The following STX7 variants were observed in gnomAD, a reference collection of about 807,000 sequenced individuals.
STX7 encodes the protein syntaxin 7, also known as syntaxin-7.
In STX7, 34 loss-of-function variants were observed where a neutral mutation model predicts 39.6. The observed-to-expected ratio is 0.86, with a 90% CI of 0.65 to 1.14. STX7 has a LOEUF of 1.14. Ranked by LOEUF, STX7 falls within the 50% of genes most tolerant of loss-of-function variation. STX7 has a pLI of 0.00. For missense variants in STX7, 284 were observed against 310.4 expected, an observed-to-expected ratio of 0.92 and a Z score of 0.64; for synonymous variants, 119 against 99.1, an observed-to-expected ratio of 1.20 and a Z score of -1.19.
chr6:132,505,739 TAAAAAAAAA>T (rs368964430), intron 1 of STX7, among the ~76,000 whole-genome samples: 2 of 60,416 alleles, frequency 3.3e-5, no homozygotes, highest in Non-Finnish European at 6.1e-5. Context: ...CCAAGTCACT[TAAAAAAAAA>T]AAAAAAAAAA....
chr6:132,511,859 G>A lies in STX7; in HGVS notation c.-59+1148C>T, dbSNP rs575828082. On this transcript the variant is annotated intron_variant, in intron 1 of 9. Transcript: ENST00000367941. ...TTTCAATCATCAGCACTTAAAGTTT[G>A]GGGTCATAACCAAAATAAGGATTGA... is the stretch of plus-strand genomic sequence containing the variant. 1.9e-4 allele frequency among the ~76,000 whole-genome samples: 29 copies of A among 152,192 alleles called. No homozygotes were observed. The South Asian group carries it at 5.6e-3, about 29-fold the overall frequency.
chr6:132,502,497 T>C (rs1397286822), intron 2 of STX7, among the ~76,000 whole-genome samples: 1 of 152,150 alleles, frequency 6.6e-6, no homozygotes, highest in Non-Finnish European at 1.5e-5. Context: ...ACCTATCCAC[T>C]CAAATCTGCT....
rs993554885 is a variant in STX7 at position 132,454,481 on chromosome 6, T to C, written c.*6277A>G. The C allele has an allele frequency of 2.0e-5, 3 of 152,194 alleles. No homozygotes were observed. Among genetic ancestry groups the C allele is most frequent in the African/African-American group, 4.8e-5 (2 of 41,466 alleles). 9.4% of individuals were successfully genotyped at this position (152,194 alleles called of 1,614,324 possible). A position where few individuals can be genotyped will look rare whatever the true frequency, so the allele number is the denominator to read the frequency against. ...GAAAGGTACACGAAAGAGGTCTCTGTATTATTTCTTACAACAGCATGTGAA... is the reference window on the plus strand; with the variant it reads ...GAAAGGTACACGAAAGAGGTCTCTGCATTATTTCTTACAACAGCATGTGAA... On this transcript the variant is annotated 3_prime_UTR_variant, in exon 10 of 10. Transcript: ENST00000367941.
At position 132,458,253 on chromosome 6, in the gene STX7, G is replaced by A. The variant is rs924160416; in HGVS notation, c.*2505C>T. 1 of 152,066 alleles carries A rather than the reference G, an allele frequency of 6.6e-6. No homozygotes were observed. 9.4% of individuals were successfully genotyped at this position (152,066 alleles called of 1,614,324 possible). On this transcript the variant is annotated 3_prime_UTR_variant, in exon 10 of 10. Transcript: ENST00000367941. Reference sequence around the variant, plus strand: ...ACTGGGGCAGCCAGCGGGCTCAGAGGGTCCAACTCCAGACACTGCATCCAT... The same window carrying A: ...ACTGGGGCAGCCAGCGGGCTCAGAGAGTCCAACTCCAGACACTGCATCCAT...
At chr6:132,473,212 T>C (rs527745428) in intron 3 of STX7, among the ~76,000 whole-genome samples, 64 of 151,840 alleles carry the variant, frequency 4.2e-4, no homozygotes, top group Non-Finnish European at 7.7e-4. Flanking sequence ...TTTACTATTA[T>C]TTAAGTTTAC....
At chr6:132,507,757 T>C (rs74735512) in intron 1 of STX7, among the ~76,000 whole-genome samples, 1 of 152,194 alleles carries the variant, frequency 6.6e-6, no homozygotes, top group Non-Finnish European at 1.5e-5. Flanking sequence ...TTTCCCTCTA[T>C]CAAGTAGATC....
chr6:132,490,669 C>T (rs1035773490), intron 2 of STX7, among the ~76,000 whole-genome samples: 5 of 152,124 alleles, frequency 3.3e-5, no homozygotes, highest in African/African-American at 9.7e-5. Context: ...TCCACACTGT[C>T]ACCAGCAAAT....
intron 2 of STX7, among the ~76,000 whole-genome samples, chr6:132,493,138 T>C (rs527246237): frequency 5.3e-5 from 8 of 152,256 alleles, no homozygotes; most frequent in African/African-American, 1.9e-4. Flanking sequence ...CTCAATATCA[T>C]TAATACGTAA....
At chr6:132,480,126 C>G (rs534810612) in intron 2 of STX7, among the ~76,000 whole-genome samples, 33 of 152,276 alleles carry the variant, frequency 2.2e-4, no homozygotes, top group Non-Finnish European at 3.8e-4. Context: ...ACCTATTAGT[C>G]ACAATCAAGG....
chr6:132,469,628 A>C (rs1774659131), intron 7 of STX7, among the ~76,000 whole-genome samples: 2 of 152,294 alleles, frequency 1.3e-5, no homozygotes, highest in Admixed American at 6.5e-5. Context: ...ACTTGAGACC[A>C]GGAGTTTGAG....
intron 1 of STX7, among the ~76,000 whole-genome samples, chr6:132,505,410 C>A (rs989894949): frequency 6.6e-6 from 1 of 152,176 alleles, no homozygotes; most frequent in Admixed American, 6.5e-5. Flanking sequence ...AACTCTGGTG[C>A]ACTTTGAATG....
chr6:132,500,016 G>T (rs1266866824), intron 2 of STX7, among the ~76,000 whole-genome samples: 3 of 152,050 alleles, frequency 2.0e-5, no homozygotes, highest in South Asian at 4.2e-4. Flanking sequence ...ACATGCATCA[G>T]CAAGTCCCGC....
At position 132,457,021 on chromosome 6, in the gene STX7, G is replaced by A. The variant is rs1004895694; in HGVS notation, c.*3737C>T. 4.6e-5 allele frequency: 7 copies of A among 152,422 alleles called. No homozygotes were observed. The highest frequency in any genetic ancestry group is 1.4e-4 in the African/African-American group (6 of 41,580). The allele number at this position is 152,422 out of a possible 1,614,324, so 9.4% of individuals were successfully genotyped here. ...GAGCTATTAACAGCTGACAGCTGGG[G>A]ACAGCTCCCTGAGACACACTGTCAG... On this transcript the variant is annotated 3_prime_UTR_variant, in exon 10 of 10. Transcript: ENST00000367941.
intron 8 of STX7, among the ~76,000 whole-genome samples, chr6:132,465,275 C>T (rs1774535066): frequency 6.6e-6 from 1 of 152,202 alleles, no homozygotes; most frequent in African/African-American, 2.4e-5. Context: ...GGGTCTCACT[C>T]TTTGATCACC....
intron 8 of STX7, among the ~76,000 whole-genome samples, chr6:132,467,327 C>A (rs1176086424): frequency 6.6e-6 from 1 of 152,124 alleles, no homozygotes; most frequent in Non-Finnish European, 1.5e-5. Flanking sequence ...CTTAAATCTA[C>A]CAAGGGTTCA....
chr6:132,503,495 G>C lies in STX7; in HGVS notation c.36C>G (p.Ala12=). The C allele has an allele frequency of 6.2e-7, 1 of 1,614,046 alleles. No individual in the cohort carries two copies. The highest frequency in any genetic ancestry group is 8.5e-7 in the Non-Finnish European group (1 of 1,179,948). The part of the protein sequence containing the change: ...SYTPGVGGDP[A]QLAQRISSNI... ...TAGAAGAGATCCTCTGGGCCAACTGGGCGGGGTCACCACCAACTCCTGGAG... is the reference window on the plus strand; with the variant it reads ...TAGAAGAGATCCTCTGGGCCAACTGCGCGGGGTCACCACCAACTCCTGGAG... Residue 12 remains alanine (A), a synonymous_variant, in exon 2 of 10, where the codon GCC becomes GCG. Coordinates refer to ENST00000367941, the MANE Select transcript of STX7 (RefSeq NM_003569.3).
chr6:132,471,648 C>G (rs1774726326), intron 4 of STX7, 48 bp from the exon 5 acceptor site: 1 of 1,597,130 alleles, frequency 6.3e-7, no homozygotes, highest in African/African-American at 1.4e-5. Flanking sequence ...CTGTGAAGTT[C>G]AACTGAATTT....
At chr6:132,491,769 C>A (rs1207834108) in intron 2 of STX7, among the ~76,000 whole-genome samples, 1 of 152,042 alleles carries the variant, frequency 6.6e-6, no homozygotes, top group Non-Finnish European at 1.5e-5. Context: ...TGGTTTCAGG[C>A]AATCTACTTA....
At chr6:132,461,658 T>A (rs1774402650) in intron 9 of STX7, 1 of 635,712 alleles carries the variant, frequency 1.6e-6, no homozygotes, top group African/African-American at 1.8e-5. Flanking sequence ...TGGAATGAGT[T>A]TCCAAAATCA....
Sources: gnomAD v4.1 joint callset for allele counts (sites outside exome capture counted in the v4.1 genomes callset) on GRCh38, gnomAD v4.1.1 for gene constraint, MANE v1.5 for transcripts, NCBI Gene and HGNC (gene_info 2026-07-23, HGNC 2026-07-21) for gene names.